CADPS: variants seen among roughly 807,000 people sequenced by gnomAD.
CADPS encodes the protein calcium-dependent secretion activator 1.
In CADPS, 57 loss-of-function variants were observed where a neutral mutation model predicts 167.3. The observed-to-expected ratio is 0.34, with a 90% CI of 0.28 to 0.42. CADPS has a LOEUF of 0.42. Among genes scored for constraint, CADPS ranks in the 20% least tolerant of loss-of-function variants. CADPS has a pLI of 1.00. For missense variants in CADPS, 1,414 were observed against 1,738.1 expected (o/e 0.81, Z 3.32); for synonymous variants, 676 against 635.3 (o/e 1.06, Z -0.96).
chr3:62,845,251 T>A (rs555144906), intron 1 of CADPS, among the ~76,000 whole-genome samples: 1 of 152,186 alleles, frequency 6.6e-6, no homozygotes, highest in Non-Finnish European at 1.5e-5. Flanking sequence ...AGCTTCTGTA[T>A]TGGAAGACCG....
chr3:62,865,526 T>C (rs2081530435), intron 1 of CADPS, among the ~76,000 whole-genome samples: 1 of 152,176 alleles, frequency 6.6e-6, no homozygotes, highest in African/African-American at 2.4e-5. Flanking sequence ...ATATTATCAA[T>C]TTATTTCATA....
In CADPS at chr3:62,576,601, G is replaced by A. The variant is rs188329028; in HGVS notation, c.1578-5663C>T. The stretch of plus-strand genomic sequence containing the variant: ...AGGTTAGAAGATTGAGACCAGCCTG[G>A]CCAACATGGTGAAGACCCATTTCTA... On this transcript the variant is annotated intron_variant, in intron 8 of 29. Coordinates refer to ENST00000383710, the MANE Select transcript of CADPS (RefSeq NM_003716.4). Among the ~76,000 whole-genome samples, 10 of 145,822 alleles carry A rather than the reference G, an allele frequency of 6.9e-5. No homozygotes were observed. In the East Asian group the frequency reaches 2.0e-3, roughly 30 times the overall value.
chr3:62,678,046 G>C lies in CADPS; in HGVS notation c.889-15652C>G, dbSNP rs114608338. ...TTATGTTGCAAGCCTCCTTGTTCCA[G>C]GAGACAGCTGCAATAGAGTGACTGG... On this transcript the variant is annotated intron_variant, in intron 3 of 29. Coordinates refer to ENST00000383710, the MANE Select transcript of CADPS (RefSeq NM_003716.4). 4.3e-3 allele frequency among the ~76,000 whole-genome samples: 652 copies of C among 152,160 alleles called. 5 individuals are homozygous for C. The highest frequency in any genetic ancestry group is 0.014 in the African/African-American group (598 of 41,524).
chr3:62,828,238 G>A (rs1576986476), intron 1 of CADPS, among the ~76,000 whole-genome samples: 2 of 152,134 alleles, frequency 1.3e-5, no homozygotes, highest in Non-Finnish European at 2.9e-5. Context: ...TGGGTGTCAC[G>A]CTTCTTCTAA....
intron 3 of CADPS, among the ~76,000 whole-genome samples, chr3:62,730,221 G>A (rs1399170293): frequency 1.3e-5 from 2 of 152,176 alleles, no homozygotes; most frequent in Non-Finnish European, 2.9e-5. Context: ...CCCCGGTCCA[G>A]TGCTTCCCAA....
intron 13 of CADPS, among the ~76,000 whole-genome samples, chr3:62,525,164 C>T (rs1467551893): frequency 3.3e-5 from 5 of 151,896 alleles, no homozygotes; most frequent in Non-Finnish European, 7.4e-5. Flanking sequence ...AGAAAGATTG[C>T]ACCAATGGAA....
chr3:62,438,569 C>A lies in CADPS; in HGVS notation c.3670-358G>T. 4.9e-6 allele frequency: 1 copy of A among 203,564 alleles called. No homozygotes were observed. Among genetic ancestry groups the A allele is most frequent in the Non-Finnish European group, 9.9e-6 (1 of 101,076 alleles). The allele number at this position is 203,564 out of a possible 1,614,324, so 12.6% of individuals were successfully genotyped here. On this transcript the variant is annotated intron_variant, in intron 27 of 29. Transcript: ENST00000383710. This position sits in a 1 kb window ranked among gnomAD's most constrained non-coding sequence, Gnocchi z 4.7. ...GATTGAAACCTGCATTAAAGAATAT[C>A]CAAACATACTGTTTTCCACTGTCCT... is the stretch of plus-strand genomic sequence containing the variant.
chr3:62,865,992 C>A (rs1421100825), intron 1 of CADPS, among the ~76,000 whole-genome samples: 1 of 152,102 alleles, frequency 6.6e-6, no homozygotes, highest in East Asian at 1.9e-4. Context: ...TTTCACTAAC[C>A]CAAATGAAAT....
At chr3:62,788,902 A>G (rs563063171) in intron 1 of CADPS, among the ~76,000 whole-genome samples, 5 of 152,294 alleles carry the variant, frequency 3.3e-5, no homozygotes, top group Non-Finnish European at 7.4e-5. Context: ...GGTACCTGTG[A>G]CTCGTCTTAA....
At chr3:62,626,318 C>G in intron 6 of CADPS, 1 of 451,490 alleles carries the variant, frequency 2.2e-6, no homozygotes, top group Non-Finnish European at 3.9e-6. Flanking sequence ...TTCTCATTCA[C>G]GTCACTTTGC....
intron 1 of CADPS, among the ~76,000 whole-genome samples, chr3:62,812,997 A>G (rs2094456100): frequency 6.6e-6 from 1 of 152,122 alleles, no homozygotes; most frequent in Non-Finnish European, 1.5e-5. Flanking sequence ...AATATTCCAT[A>G]CTCACGGATT....
chr3:62,515,405 A>G (rs1484188608), intron 16 of CADPS, among the ~76,000 whole-genome samples: 1 of 152,114 alleles, frequency 6.6e-6, no homozygotes, highest in African/African-American at 2.4e-5. Context: ...CTTCTCAAGT[A>G]GAGTTTACTC....
intron 26 of CADPS, among the ~76,000 whole-genome samples, chr3:62,451,212 A>T (rs935618412): frequency 6.6e-6 from 1 of 152,014 alleles, no homozygotes; most frequent in Non-Finnish European, 1.5e-5. Flanking sequence ...TGGTTTCTCT[A>T]TTGAGCTCTT....
intron 8 of CADPS, among the ~76,000 whole-genome samples, chr3:62,573,697 C>G (rs1320701868): frequency 1.3e-5 from 2 of 152,126 alleles, no homozygotes; most frequent in Non-Finnish European, 1.5e-5. Flanking sequence ...TCATATTCTC[C>G]CTCAGTTTAA....
chr3:62,516,731 C>T (rs564594292), intron 14 of CADPS, 88 bp from the exon 15 acceptor site: 2 of 900,712 alleles, frequency 2.2e-6, no homozygotes, highest in East Asian at 2.4e-5. Flanking sequence ...GCAACTCTCT[C>T]TGAGGAATGG....
At chr3:62,763,345 A>G (rs2086007598) in intron 2 of CADPS, among the ~76,000 whole-genome samples, 1 of 152,180 alleles carries the variant, frequency 6.6e-6, no homozygotes, top group African/African-American at 2.4e-5. Context: ...AGAGAAGCTG[A>G]CCAAGAAGGA....
chr3:62,630,955 T>C (rs1168740687), intron 6 of CADPS, among the ~76,000 whole-genome samples: 1 of 152,190 alleles, frequency 6.6e-6, no homozygotes, highest in African/African-American at 2.4e-5. Context: ...AGGTTTCTCA[T>C]CTTATTTCCC....
At chr3:62,726,891 T>A (rs509292) in intron 3 of CADPS, among the ~76,000 whole-genome samples, 37,861 of 151,390 alleles carry the variant, frequency 0.25, 5,612 homozygotes, top group African/African-American at 0.39. Flanking sequence ...ATTTGGGAGT[T>A]ACATGGACTT....
chr3:62,816,890 G>T (rs896903918), intron 1 of CADPS, among the ~76,000 whole-genome samples: 2 of 152,140 alleles, frequency 1.3e-5, no homozygotes, highest in African/African-American at 2.4e-5. Flanking sequence ...AAGCTACGCT[G>T]AAGCCCAGGT....
Sources: gnomAD v4.1 joint callset for allele counts (sites outside exome capture counted in the v4.1 genomes callset) on GRCh38, gnomAD v4.1.1 for gene constraint, Gnocchi (gnomAD v3.1) non-coding constraint, MANE v1.5 for transcripts, NCBI Gene and HGNC (gene_info 2026-07-23, HGNC 2026-07-21) for gene names.